The following CDH23 variants were observed in gnomAD, a reference collection of about 807,000 sequenced individuals.
CDH23 encodes the protein cadherin related 23, also known as cadherin-23.
CDH23 carries 189 observed loss-of-function variants against 317.1 expected under a neutral mutation model. That is an observed-to-expected ratio of 0.60 (90% CI 0.53 to 0.67). CDH23 has a LOEUF of 0.67. Ranked by LOEUF, CDH23 falls within the 30% of genes least tolerant of loss-of-function variation. The probability of loss-of-function intolerance (pLI) is 0.00; values close to 1 mark genes in which losing one functional copy is unlikely to be tolerated. For synonymous variants in CDH23, 1,839 were observed against 1,876.8 expected (o/e 0.98, Z 0.52); for missense variants, 4,401 against 4,592.4 (o/e 0.96, Z 1.20).
At chr10:71,528,449 A>C (rs1419535724) in intron 6 of CDH23, among the ~76,000 whole-genome samples, 1 of 152,164 alleles carries the variant, frequency 6.6e-6, no homozygotes, top group Non-Finnish European at 1.5e-5. Context: ...AGGGCTGAGC[A>C]GTGACTGTCA....
At chr10:71,789,324 G>A (rs1349773274) in intron 45 of CDH23, among the ~76,000 whole-genome samples, 1 of 152,166 alleles carries the variant, frequency 6.6e-6, no homozygotes, top group Non-Finnish European at 1.5e-5. Flanking sequence ...GGGCATGTAA[G>A]GTGTGAGGAC....
intron 22 of CDH23, 39 bp from the exon 23 acceptor site, chr10:71,701,983 G>A (rs1865604726): frequency 6.2e-7 from 1 of 1,607,844 alleles, no homozygotes; most frequent in Admixed American, 1.7e-5. Context: ...ACCCTCCCCA[G>A]GCGCGGCTCA....
At chr10:71,709,267 G>T in intron 27 of CDH23, 56 bp downstream of exon 27, 1 of 1,507,276 alleles carries the variant, frequency 6.6e-7, no homozygotes, top group Admixed American at 1.7e-5. Flanking sequence ...TTCACACAGG[G>T]TGCCTCCCAG....
intron 9 of CDH23, among the ~76,000 whole-genome samples, chr10:71,595,477 C>T (rs1859778516): frequency 6.6e-6 from 1 of 152,184 alleles, no homozygotes; most frequent in Non-Finnish European, 1.5e-5. Context: ...CTTACTCCAC[C>T]ATCCTTGGAC....
At position 71,811,406 on chromosome 10, in the gene CDH23, C is replaced by T. The variant is rs747583936; in HGVS notation, c.9169C>T (p.Arg3057Trp). 7.4e-6 allele frequency: 12 copies of T among 1,613,858 alleles called. No homozygotes were observed. Among genetic ancestry groups the T allele is most frequent in the South Asian group, 1.1e-5 (1 of 91,086 alleles). ...VLDVQPAISV[R>W]LPDDMSALQM... is the part of the protein sequence containing the mutation. ...GGACGTGCAGCCTGCCATCTCTGTC[C>T]GGCTGCCGGATGACATGTCTGCCCT... The change falls in exon 63 of 70, where the codon CGG (arginine) becomes TGG (tryptophan). Residue 3057 changes from arginine to tryptophan, a missense_variant. Around this residue, in one of 3 missense-constraint regions of CDH23, gnomAD observed 1,144 missense variants for 1,138.2 expected, o/e 1.01. Transcript: ENST00000224721.
In CDH23 at chr10:71,707,010, G is replaced by A. The variant is rs1064796283; in HGVS notation, c.3067G>A (p.Asp1023Asn). The change falls in exon 26 of 70, where the codon GAC (aspartate) becomes AAC (asparagine). Residue 1023 changes from aspartate to asparagine, a missense_variant. Transcript: ENST00000224721. ...RVVWLNCTDN[D>N]VGLNAELSYF... is the part of the protein sequence containing the mutation. Reference sequence around the variant, plus strand: ...GGTCTGGCTGAACTGCACGGACAACGACGTGGGCCTCAATGCAGAGCTCAG... The same window carrying A: ...GGTCTGGCTGAACTGCACGGACAACAACGTGGGCCTCAATGCAGAGCTCAG... 4.4e-6 allele frequency: 7 copies of A among 1,607,676 alleles called. No individual in the cohort carries two copies. Among genetic ancestry groups the A allele is most frequent in the South Asian group, 2.2e-5 (2 of 89,628 alleles).
intron 8 of CDH23, among the ~76,000 whole-genome samples, chr10:71,574,008 G>A (rs1453627973): frequency 6.6e-6 from 1 of 152,120 alleles, no homozygotes; most frequent in Admixed American, 6.5e-5. Flanking sequence ...GGCCCTCCAT[G>A]TCCCTTTACA....
chr10:71,808,616 C>G (rs1233244574), intron 60 of CDH23, among the ~76,000 whole-genome samples: 2 of 152,154 alleles, frequency 1.3e-5, no homozygotes, highest in African/African-American at 4.8e-5. Context: ...TAGAAGATGC[C>G]CCTGTGGGTG....
At chr10:71,452,735 G>T (rs572886629) in intron 3 of CDH23, among the ~76,000 whole-genome samples, 1 of 152,102 alleles carries the variant, frequency 6.6e-6, no homozygotes, top group Non-Finnish European at 1.5e-5. Flanking sequence ...AATTAACAGC[G>T]ATTTTAGTGT....
At chr10:71,729,568 G>A (rs1839283375) in intron 30 of CDH23, among the ~76,000 whole-genome samples, 1 of 152,194 alleles carries the variant, frequency 6.6e-6, no homozygotes, top group Admixed American at 6.5e-5. Flanking sequence ...CAACAGCCCG[G>A]GTGTGGGTGC....
chr10:71,777,869 A>T lies in CDH23; in HGVS notation c.5035A>T (p.Ile1679Phe). 1 of 1,613,924 alleles carries T rather than the reference A, an allele frequency of 6.2e-7. No homozygotes were observed. Among genetic ancestry groups the T allele is most frequent in the Non-Finnish European group, 8.5e-7 (1 of 1,179,894 alleles). The change falls in exon 39 of 70, where the codon ATC becomes TTC. Residue 1679 changes from isoleucine to phenylalanine, a missense_variant. Coordinates refer to ENST00000224721, the MANE Select transcript of CDH23 (RefSeq NM_022124.6). ...CACCTATGCCATCGTCGCAGGCAAC[A>T]TCGTCAACACCTTCCGCATCGACAG... ...TVTYAIVAGN[I>F]VNTFRIDRHM...
Position 71,779,309 on chromosome 10 carries a change from T to A in CDH23, c.5230T>A (p.Phe1744Ile). ...VNDINDNVPTFPRDYEGPFEV... is the reference protein window; with the variant it reads ...VNDINDNVPTIPRDYEGPFEV... ...TGACATCAACGACAATGTGCCTACC[T>A]TCCCCCGGGACTATGAGGGACCATT... The change falls in exon 41 of 70, where the codon TTC becomes ATC. Residue 1744 changes from phenylalanine (F) to isoleucine (I), a missense_variant. By Grantham distance (21) the Phe-to-Ile change is conservative. Coordinates refer to ENST00000224721, the MANE Select transcript of CDH23 (RefSeq NM_022124.6). 6.2e-7 allele frequency: 1 copy of A among 1,614,004 alleles called. No homozygotes were observed. Among genetic ancestry groups the A allele is most frequent in the Non-Finnish European group, 8.5e-7 (1 of 1,179,880 alleles).
intron 38 of CDH23, among the ~76,000 whole-genome samples, chr10:71,759,877 A>G (rs1425238708): frequency 1.3e-5 from 1 of 74,116 alleles, no homozygotes; most frequent in African/African-American, 3.8e-5. Context: ...ATATATACAC[A>G]CACACACATA....
chr10:71,606,624 C>T (rs1330426825), intron 9 of CDH23, among the ~76,000 whole-genome samples: 2 of 152,134 alleles, frequency 1.3e-5, no homozygotes, highest in African/African-American at 4.8e-5. Flanking sequence ...CCTCCTGGGG[C>T]TTACATTCCA....
chr10:71,402,658 A>C (rs1847832067), intron 1 of CDH23, among the ~76,000 whole-genome samples: 1 of 151,388 alleles, frequency 6.6e-6, no homozygotes, highest in Non-Finnish European at 1.5e-5. Context: ...AACTCTTCTT[A>C]TTTTCAGAGC....
At chr10:71,590,813 C>T (rs1372581235) in intron 9 of CDH23, among the ~76,000 whole-genome samples, 1 of 141,180 alleles carries the variant, frequency 7.1e-6, no homozygotes, top group Non-Finnish European at 1.5e-5. Context: ...CTGCAGTGAA[C>T]TAAGATGGCC....
rs1357375056 is a variant in CDH23, at chr10:71,504,182, C to A, written c.146-5900C>A. Among the ~76,000 whole-genome samples, 4 of 152,300 alleles carry A rather than the reference C, an allele frequency of 2.6e-5. No individual in the cohort carries two copies. In the East Asian group the frequency reaches 7.7e-4, roughly 29 times the overall value. ...ACTCTTTTTCTGTTGAAAACTGAAACTGTAGCCATTGAATAATAGTTCTCC... is the reference window on the plus strand; with the variant it reads ...ACTCTTTTTCTGTTGAAAACTGAAAATGTAGCCATTGAATAATAGTTCTCC... On this transcript the variant is annotated intron_variant, in intron 3 of 69. Coordinates refer to ENST00000224721, the MANE Select transcript of CDH23 (RefSeq NM_022124.6).
rs1186760503 is a variant in CDH23, at chr10:71,802,556, C to T, written c.7483-342C>T. Among the ~76,000 whole-genome samples, 3 of 152,054 alleles carry T rather than the reference C, an allele frequency of 2.0e-5. No homozygotes were observed. The South Asian group carries it at 6.2e-4, about 32-fold the overall frequency. ...GAGATTAGAGCCAGATTTATAGGGC[C>T]CTGTGGGGAGCAGCAAGGAATAAAG... On this transcript the variant is annotated intron_variant, in intron 53 of 69. Coordinates refer to ENST00000224721, the MANE Select transcript of CDH23 (RefSeq NM_022124.6).
chr10:71,495,122 A>G (rs1184227182), intron 3 of CDH23, among the ~76,000 whole-genome samples: 1 of 152,230 alleles, frequency 6.6e-6, no homozygotes, highest in African/African-American at 2.4e-5. Flanking sequence ...AAACACAAAC[A>G]GAGGCAAGAA....
Sources: allele counts gnomAD v4.1 joint callset (sites outside exome capture counted in the v4.1 genomes callset), GRCh38; gene constraint gnomAD v4.1.1; regional missense constraint gnomAD v4.1.1; transcripts MANE v1.5; gene names NCBI Gene and HGNC (gene_info 2026-07-23, HGNC 2026-07-21).